Variants in ARHGAP33 observed in about 807,000 individuals in gnomAD.
ARHGAP33 encodes rho GTPase-activating protein 33.
In ARHGAP33, 57 loss-of-function variants were observed where a neutral mutation model predicts 126.2. The observed-to-expected ratio is 0.45, with a 90% CI of 0.36 to 0.56. The LOEUF (loss-of-function observed/expected upper bound fraction) is 0.56, where lower values mean the gene tolerates loss of function less well. ARHGAP33 is among the 20% of genes least tolerant of loss of function. The probability of loss-of-function intolerance (pLI) is 0.00; values close to 1 mark genes in which losing one functional copy is unlikely to be tolerated. For missense variants in ARHGAP33, 1,500 were observed against 1,748.3 expected (o/e 0.86, Z 2.53); for synonymous variants, 711 against 755.0 (o/e 0.94, Z 0.95).
Position 35,777,918 on chromosome 19 carries a change from C to T in ARHGAP33, c.189+10C>T, listed in dbSNP as rs1470495997. The T allele has an allele frequency of 6.2e-6, 10 of 1,613,862 alleles. No homozygotes were observed. Among genetic ancestry groups the T allele is most frequent in the Non-Finnish European group, 8.5e-6 (10 of 1,179,748 alleles). On this transcript the variant is annotated intron_variant, in intron 3 of 20. Transcript: ENST00000007510. Reference sequence around the variant, plus strand: ...CTTTGGCCACATTCAGGTATGGGGGCTTTGCATTTGCACCCAGGAGGGAAG... The same window carrying T: ...CTTTGGCCACATTCAGGTATGGGGGTTTTGCATTTGCACCCAGGAGGGAAG...
chr19:35,788,418 A>C lies in ARHGAP33; in HGVS notation c.3853A>C (p.Ser1285Arg). The change falls in exon 21 of 21, where the codon AGC becomes CGC. Residue 1285 changes from serine to arginine, a missense_variant. Ser to Arg is a moderately radical substitution (Grantham distance 110). Coordinates refer to ENST00000007510, the MANE Select transcript of ARHGAP33 (RefSeq NM_001366178.1). ...WSLHSEGQTR[S>R]YC is the part of the protein sequence containing the mutation. ...CCTCCACTCTGAGGGCCAGACCCGA[A>C]GCTACTGCTGAGCACCAGCTGGGAG... 2 of 1,567,318 alleles carry C rather than the reference A, an allele frequency of 1.3e-6. No individual in the cohort carries two copies. The highest frequency in any genetic ancestry group is 2.7e-5 in the African/African-American group (2 of 73,668).
chr19:35,787,169 T>C lies in ARHGAP33; in HGVS notation c.2604T>C (p.Gly868=), dbSNP rs747481694. ...SKLRGAQGPL[G]PDMESPLPPP... ...ACCCCTCTCCATTCATTTATATAGG[T>C]CCTGATATGGAGTCACCACTGCCAC... is the stretch of plus-strand genomic sequence containing the variant. Residue 868 remains glycine (G), a splice_region_variant and synonymous_variant, in exon 21 of 21, where the codon GGT becomes GGC. Coordinates refer to ENST00000007510, the MANE Select transcript of ARHGAP33 (RefSeq NM_001366178.1). 2 of 1,610,016 alleles carry C rather than the reference T, an allele frequency of 1.2e-6. No homozygotes were observed. Among genetic ancestry groups the C allele is most frequent in the South Asian group, 1.1e-5 (1 of 90,926 alleles).
chr19:35,788,142 C>T lies in ARHGAP33; in HGVS notation c.3577C>T (p.Pro1193Ser). The change falls in exon 21 of 21, where the codon CCC becomes TCC. Residue 1193 changes from proline to serine, a missense_variant. Coordinates refer to ENST00000007510, the MANE Select transcript of ARHGAP33 (RefSeq NM_001366178.1). ...CTCCTCCTCTTCCCCTCCTGCCCACCCCCGAAGCCGTTCAGATCCCGGTCC... is the reference window on the plus strand; with the variant it reads ...CTCCTCCTCTTCCCCTCCTGCCCACTCCCGAAGCCGTTCAGATCCCGGTCC... ...SSSSSSPPAH[P>S]RSRSDPGPPV... 2 of 1,611,000 alleles carry T rather than the reference C, an allele frequency of 1.2e-6. No homozygotes were observed. Among genetic ancestry groups the T allele is most frequent in the East Asian group, 2.2e-5 (1 of 44,782 alleles).
intron 9 of ARHGAP33, 37 bp downstream of exon 9, chr19:35,780,685 G>T (rs761806637): frequency 6.9e-6 from 11 of 1,601,146 alleles, no homozygotes; most frequent in Middle Eastern, 1.9e-4. Flanking sequence ...GTGGGGAGGG[G>T]TGGGAAGGGG....
chr19:35,776,392 C>T (rs1971461311), intron 1 of ARHGAP33, among the ~76,000 whole-genome samples: 2 of 152,046 alleles, frequency 1.3e-5, no homozygotes, highest in Admixed American at 1.3e-4. Flanking sequence ...TCACTGAGAC[C>T]GCCTCTGTGC....
intron 15 of ARHGAP33, among the ~76,000 whole-genome samples, chr19:35,783,382 C>T (rs773395037): frequency 1.2e-4 from 18 of 152,210 alleles, no homozygotes; most frequent in Middle Eastern, 3.4e-3. Context: ...GAAAAATAAA[C>T]GAGAAAGGCC....
At chr19:35,785,943 C>T (rs995866318) in intron 19 of ARHGAP33, 12 of 1,062,116 alleles carry the variant, frequency 1.1e-5, no homozygotes, top group Middle Eastern at 4.5e-4. Flanking sequence ...ATTTAAAGGG[C>T]GTTGTAAGAA....
At chr19:35,780,548 G>A (rs748677077) in intron 8 of ARHGAP33, 34 bp from the exon 9 acceptor site, 1 of 1,613,366 alleles carries the variant, frequency 6.2e-7, no homozygotes, top group Non-Finnish European at 8.5e-7. Context: ...CTGCCAACTG[G>A]GGTGGCCCAG....
chr19:35,784,847 C>T (rs1394512385), intron 16 of ARHGAP33, 106 bp from the exon 17 acceptor site: 3 of 1,402,176 alleles, frequency 2.1e-6, no homozygotes, highest in East Asian at 2.8e-5. Context: ...CTTGCCAGCC[C>T]GGGTGGGCAT....
chr19:35,778,664 A>G (rs939593144), intron 5 of ARHGAP33, 63 bp downstream of exon 5: 9 of 1,560,684 alleles, frequency 5.8e-6, no homozygotes, highest in African/African-American at 4.1e-5. Flanking sequence ...GTGTGAAATC[A>G]TCAAGGCAGC....
Position 35,777,666 on chromosome 19 carries a change from G to T in ARHGAP33, c.28G>T (p.Asp10Tyr), listed in dbSNP as rs1255742834. The change falls in exon 2 of 21, where the codon GAT (aspartate) becomes TAT (tyrosine). Residue 10 changes from aspartate (D) to tyrosine (Y), a missense_variant. This residue lies in a region of ARHGAP33 where 129 missense variants were observed against 145.9 expected (regional missense o/e 0.88). Transcript: ENST00000007510. ...ACAGGCACGCAGCACTGACAGCCTGGATGGCCCAGGGGAGGGCTCGGTGCA... is the reference window on the plus strand; with the variant it reads ...ACAGGCACGCAGCACTGACAGCCTGTATGGCCCAGGGGAGGGCTCGGTGCA... MVARSTDSL[D>Y]GPGEGSVQPL... 1 of 1,580,124 alleles carries T rather than the reference G, an allele frequency of 6.3e-7. No individual in the cohort carries two copies. Among genetic ancestry groups the T allele is most frequent in the Admixed American group, 1.9e-5 (1 of 52,842 alleles).
Position 35,787,193 on chromosome 19 carries a change from A to G in ARHGAP33, c.2628A>G (p.Pro876=), listed in dbSNP as rs781286290. The G allele has an allele frequency of 1.9e-6, 3 of 1,605,600 alleles. No individual in the cohort carries two copies. The highest frequency in any genetic ancestry group is 2.5e-6 in the Non-Finnish European group (3 of 1,177,402). Residue 876 remains proline, a synonymous_variant, in exon 21 of 21, where the codon CCA becomes CCG. Coordinates refer to ENST00000007510, the MANE Select transcript of ARHGAP33 (RefSeq NM_001366178.1). The stretch of plus-strand genomic sequence containing the variant: ...GTCCTGATATGGAGTCACCACTGCC[A>G]CCCCCTCCCCTGTCTCTCCTGCGCC... ...PLGPDMESPL[P]PPPLSLLRPG...
rs1388575512 is a variant in ARHGAP33 at position 35,782,538 on chromosome 19, G to A, written c.1230+21G>A. The A allele has an allele frequency of 3.7e-6, 6 of 1,613,436 alleles. No individual in the cohort carries two copies. In the South Asian group the frequency reaches 6.6e-5, roughly 18 times the overall value. On this transcript the variant is annotated intron_variant, in intron 13 of 20. Coordinates refer to ENST00000007510, the MANE Select transcript of ARHGAP33 (RefSeq NM_001366178.1). The surrounding 1 kb of genome is among the most constrained non-coding windows in gnomAD (Gnocchi z 4.1). ...TCAGTGTGAGTAAGGGAGCTGGCGG[G>A]ACGGAGGGGGCCGGGACGCCTCTGG...
In ARHGAP33 at chr19:35,785,208, G is replaced by A. The variant is rs1972045978; in HGVS notation, c.1741G>A (p.Glu581Lys). The change falls in exon 18 of 21, where the codon GAG (glutamate) becomes AAG (lysine). Residue 581 changes from glutamate (E) to lysine (K), a missense_variant. Transcript: ENST00000007510. Reference sequence around the variant, plus strand: ...CCGCAGGAGGAAAGGGGAGAGAGGGGAGAAGCAGCGGAAGCCAGGGGGCAG... The same window carrying A: ...CCGCAGGAGGAAAGGGGAGAGAGGGAAGAAGCAGCGGAAGCCAGGGGGCAG... Reference protein sequence around the residue: ...PAERRKGERGEKQRKPGGSSW... With the variant: ...PAERRKGERGKKQRKPGGSSW... 2 of 1,579,458 alleles carry A rather than the reference G, an allele frequency of 1.3e-6. No individual in the cohort carries two copies. Among genetic ancestry groups the A allele is most frequent in the Non-Finnish European group, 1.7e-6 (2 of 1,159,208 alleles).
In ARHGAP33 at chr19:35,786,020, C is replaced by G. The variant is rs1413033054; in HGVS notation, c.1943-393C>G. The G allele has an allele frequency of 1.8e-6, 2 of 1,127,792 alleles. No individual in the cohort carries two copies. Among genetic ancestry groups the G allele is most frequent in the East Asian group, 1.1e-4 (2 of 18,152 alleles). The allele number at this position is 1,127,792 out of a possible 1,614,324, so 69.9% of individuals were successfully genotyped here. A position where few individuals can be genotyped will look rare whatever the true frequency, so the allele number is the denominator to read the frequency against. On this transcript the variant is annotated intron_variant, in intron 19 of 20. Coordinates refer to ENST00000007510, the MANE Select transcript of ARHGAP33 (RefSeq NM_001366178.1). The surrounding 1 kb of genome is among the most constrained non-coding windows in gnomAD (Gnocchi z 7.0). ...CGCTACCTCACAGCCCGCCGCGCTG[C>G]TGGGTGCTGCTCTCCGACCTCTGCG...
rs774992014 is a variant in ARHGAP33, at chr19:35,787,407, G to A, written c.2842G>A (p.Gly948Arg). 4.3e-6 allele frequency: 7 copies of A among 1,610,474 alleles called. No homozygotes were observed. The Admixed American group carries it at 8.4e-5, about 19-fold the overall frequency. The change falls in exon 21 of 21, where the codon GGG becomes AGG. Residue 948 changes from glycine to arginine, a missense_variant. Transcript: ENST00000007510. ...GGGCGGGGAGCCCCTGGGGACCTCA[G>A]GGAGTGGGCCACCTCCCAACTCCCT... ...EVGGEPLGTS[G>R]SGPPPNSLAH...
chr19:35,778,419 G>A (rs781772311), intron 4 of ARHGAP33, 45 bp from the exon 5 acceptor site: 10 of 1,613,956 alleles, frequency 6.2e-6, no homozygotes, highest in South Asian at 4.4e-5. Flanking sequence ...TCCTCAGCTC[G>A]GTGTCATGGG....
chr19:35,775,746 C>T, intron 1 of ARHGAP33, 82 bp downstream of exon 1: 4 of 1,354,560 alleles, frequency 3.0e-6, no homozygotes, highest in Non-Finnish European at 3.9e-6. Context: ...CGCCCCGCCC[C>T]CGGCCCCGCC....
At position 35,777,704 on chromosome 19, in the gene ARHGAP33, T is replaced by C; in HGVS notation, c.66T>C (p.Thr22=). ...AGGGCTCGGTGCAGCCTCTACCCAC[T>C]GCTGGGGGGCCCAGTGTGAAGGGGA... ...PGEGSVQPLP[T]AGGPSVKGKP... Residue 22 remains threonine, a synonymous_variant, in exon 2 of 21, where the codon ACT becomes ACC. Coordinates refer to ENST00000007510, the MANE Select transcript of ARHGAP33 (RefSeq NM_001366178.1). 2 of 1,604,560 alleles carry C rather than the reference T, an allele frequency of 1.2e-6. No individual in the cohort carries two copies. The highest frequency in any genetic ancestry group is 1.7e-6 in the Non-Finnish European group (2 of 1,175,584).
Sources: gnomAD v4.1 joint callset for allele counts (sites outside exome capture counted in the v4.1 genomes callset) on GRCh38, gnomAD v4.1.1 for gene constraint, gnomAD v4.1.1 regional missense constraint, Gnocchi (gnomAD v3.1) non-coding constraint, MANE v1.5 for transcripts, NCBI Gene and HGNC (gene_info 2026-07-23, HGNC 2026-07-21) for gene names.